The following PTPRD variants were observed in gnomAD, a reference collection of about 807,000 sequenced individuals.
PTPRD encodes protein tyrosine phosphatase receptor type D.
Under a neutral mutation model 214.5 loss-of-function variants are expected in PTPRD, and 34 were observed. The ratio of observed to expected loss-of-function variants is 0.16; its 90% CI spans 0.12 to 0.21. PTPRD has a LOEUF of 0.21. Ranked by LOEUF, PTPRD falls within the 10% of genes least tolerant of loss-of-function variation. The pLI, the probability that PTPRD is intolerant of heterozygous loss-of-function variation, is 1.00. For synonymous variants in PTPRD, 1,128 were observed against 845.7 expected, an observed-to-expected ratio of 1.33 and a Z score of -5.79; for missense variants, 2,545 against 2,398.7, an observed-to-expected ratio of 1.06 and a Z score of -1.27.
intron 5 of PTPRD, among the ~76,000 whole-genome samples, chr9:9,793,970 AG>A (rs1424449463): frequency 6.6e-6 from 1 of 152,044 alleles, no homozygotes; most frequent in East Asian, 1.9e-4. Context: ...AATCAAAAGG[AG>A]TAAGAAATAA....
At chr9:10,371,108 A>G (rs553239690) in intron 2 of PTPRD, among the ~76,000 whole-genome samples, 1 of 152,126 alleles carries the variant, frequency 6.6e-6, no homozygotes, top group East Asian at 1.9e-4. Context: ...CAACACTTTC[A>G]GCTTTTTTCT....
intron 2 of PTPRD, among the ~76,000 whole-genome samples, chr9:10,413,297 T>C (rs545593912): frequency 6.6e-6 from 1 of 151,976 alleles, no homozygotes; most frequent in Non-Finnish European, 1.5e-5. Context: ...AAGTCAATAG[T>C]ATTCCTGTAC....
At chr9:10,509,949 C>G (rs1019794933) in intron 2 of PTPRD, among the ~76,000 whole-genome samples, 3 of 152,004 alleles carry the variant, frequency 2.0e-5, no homozygotes, top group African/African-American at 7.2e-5. Flanking sequence ...GAGGTTCACT[C>G]TAGTATTCCT....
chr9:9,349,252 C>T (rs1460049975), intron 9 of PTPRD, among the ~76,000 whole-genome samples: 1 of 152,006 alleles, frequency 6.6e-6, no homozygotes, highest in South Asian at 2.1e-4. Context: ...TGGCAAGAAA[C>T]TTTTTAGCAT....
chr9:9,796,014 A>G (rs991216975), intron 5 of PTPRD, among the ~76,000 whole-genome samples: 1 of 152,166 alleles, frequency 6.6e-6, no homozygotes, highest in Non-Finnish European at 1.5e-5. Flanking sequence ...GAATTACAGA[A>G]TTATATTAAG....
intron 9 of PTPRD, among the ~76,000 whole-genome samples, chr9:9,186,142 C>T (rs976587562): frequency 2.0e-5 from 3 of 152,116 alleles, no homozygotes; most frequent in Non-Finnish European, 2.9e-5. Context: ...TTCTCATGAA[C>T]AGAAGAAAAT....
At chr9:9,610,287 G>A (rs1353291914) in intron 7 of PTPRD, among the ~76,000 whole-genome samples, 2 of 152,070 alleles carry the variant, frequency 1.3e-5, no homozygotes, top group East Asian at 1.9e-4. Flanking sequence ...AAAAAATGCC[G>A]TATGAAAATA....
intron 4 of PTPRD, among the ~76,000 whole-genome samples, chr9:9,981,602 T>C (rs1049322880): frequency 1.3e-5 from 2 of 151,986 alleles, no homozygotes; most frequent in Non-Finnish European, 2.9e-5. Context: ...CCTTGTGATC[T>C]GCCTGCCTCG....
At chr9:8,521,643 T>G (rs1217454023) in intron 19 of PTPRD, 97 bp from the exon 20 acceptor site, 1 of 1,375,356 alleles carries the variant, frequency 7.3e-7, no homozygotes, top group South Asian at 1.4e-5. Flanking sequence ...GATTCAACAA[T>G]TGAAACATTG....
chr9:10,461,823 T>C (rs1185474278), intron 2 of PTPRD, among the ~76,000 whole-genome samples: 1 of 152,062 alleles, frequency 6.6e-6, no homozygotes, highest in Non-Finnish European at 1.5e-5. Context: ...GGTTTAACCA[T>C]GTTGGCCAGG....
chr9:10,443,122 G>GTT (rs143110191), intron 2 of PTPRD, among the ~76,000 whole-genome samples: 1 of 150,564 alleles, frequency 6.6e-6, no homozygotes, highest in African/African-American at 2.4e-5. Flanking sequence ...TGGTGTTTGT[G>GTT]TTTTTTTATT....
intron 10 of PTPRD, among the ~76,000 whole-genome samples, chr9:9,054,048 A>G (rs2099691682): frequency 6.6e-6 from 1 of 152,146 alleles, no homozygotes; most frequent in Non-Finnish European, 1.5e-5. Context: ...AATAACAATG[A>G]TAACAATTAA....
chr9:9,119,466 G>C (rs1169953762), intron 10 of PTPRD, among the ~76,000 whole-genome samples: 1 of 151,786 alleles, frequency 6.6e-6, no homozygotes, highest in Non-Finnish European at 1.5e-5. Context: ...CACAGAATCA[G>C]AATCTCAGAA....
chr9:10,006,678 C>T (rs549940104), intron 4 of PTPRD, among the ~76,000 whole-genome samples: 59 of 151,964 alleles, frequency 3.9e-4, no homozygotes, highest in African/African-American at 1.4e-3. Flanking sequence ...ATAATCAGAG[C>T]CAATATTTTT....
intron 10 of PTPRD, among the ~76,000 whole-genome samples, chr9:9,124,517 C>A (rs1263573786): frequency 1.3e-5 from 2 of 151,978 alleles, no homozygotes; most frequent in Non-Finnish European, 2.9e-5. Flanking sequence ...GCTTTCAAGA[C>A]AATTATAAGA....
chr9:9,404,638 T>C (rs1002706225), intron 8 of PTPRD, among the ~76,000 whole-genome samples: 4 of 152,116 alleles, frequency 2.6e-5, no homozygotes, highest in Admixed American at 6.6e-5. Flanking sequence ...ATATATTAGA[T>C]ACATGAGTAC....
At chr9:9,437,880 A>G (rs1569568327) in intron 8 of PTPRD, among the ~76,000 whole-genome samples, 1 of 152,184 alleles carries the variant, frequency 6.6e-6, no homozygotes, top group Non-Finnish European at 1.5e-5. Flanking sequence ...TCTGCTTCTT[A>G]TAGTGCTGTA....
chr9:8,421,344 T>A (rs1275597657), intron 35 of PTPRD, among the ~76,000 whole-genome samples: 1 of 133,344 alleles, frequency 7.5e-6, no homozygotes, highest in Admixed American at 7.5e-5. Flanking sequence ...CTTTTTCTTT[T>A]CTTTCTTCTT....
chr9:9,962,997 A>AT (rs2094462217), intron 4 of PTPRD, among the ~76,000 whole-genome samples: 1 of 152,038 alleles, frequency 6.6e-6, no homozygotes, highest in Non-Finnish European at 1.5e-5. Flanking sequence ...GTAGTACTTT[A>AT]TATAGTTACA....
Sources: gnomAD v4.1 joint callset for allele counts (sites outside exome capture counted in the v4.1 genomes callset) on GRCh38, gnomAD v4.1.1 for gene constraint, MANE v1.5 for transcripts, NCBI Gene and HGNC (gene_info 2026-07-23, HGNC 2026-07-21) for gene names.